The following ZMIZ1 variants were observed in gnomAD, a reference collection of about 807,000 sequenced individuals.
ZMIZ1 encodes zinc finger MIZ domain-containing protein 1.
ZMIZ1 carries 17 observed loss-of-function variants against 113.9 expected under a neutral mutation model. That is an observed-to-expected ratio of 0.15 (90% confidence interval 0.10 to 0.22). The LOEUF (loss-of-function observed/expected upper bound fraction) is 0.22, where lower values mean the gene tolerates loss of function less well. Among genes scored for constraint, ZMIZ1 ranks in the 10% least tolerant of loss-of-function variants. ZMIZ1 has a pLI of 1.00. For missense variants in ZMIZ1, 1,059 were observed against 1,477.8 expected (o/e 0.72, Z 4.65); for synonymous variants, 607 against 603.1 (o/e 1.01, Z -0.09).
chr10:79,311,645 C>T (rs1250216297), intron 24 of ZMIZ1, among the ~76,000 whole-genome samples: 2 of 151,958 alleles, frequency 1.3e-5, no homozygotes, highest in African/African-American at 4.8e-5. Context: ...CTGCTTGCTC[C>T]ATCGCTCACT....
chr10:79,158,955 GT>G (rs1464257193), intron 3 of ZMIZ1, among the ~76,000 whole-genome samples: 3 of 152,250 alleles, frequency 2.0e-5, no homozygotes, highest in African/African-American at 7.2e-5. Flanking sequence ...AGTGAGGGGT[GT>G]TTCAGGCTGC....
chr10:79,276,867 A>G (rs1852323724), intron 7 of ZMIZ1, among the ~76,000 whole-genome samples: 1 of 151,874 alleles, frequency 6.6e-6, no homozygotes. Context: ...ACTTGGCACC[A>G]TCTCTGCCAC....
At chr10:79,265,178 G>A (rs532540134) in intron 7 of ZMIZ1, among the ~76,000 whole-genome samples, 21 of 152,278 alleles carry the variant, frequency 1.4e-4, no homozygotes, top group Admixed American at 4.6e-4. Context: ...GGGGGCGGGC[G>A]TGCGAGGAGT....
At chr10:79,106,305 T>C (rs907307259) in intron 1 of ZMIZ1, among the ~76,000 whole-genome samples, 1 of 152,232 alleles carries the variant, frequency 6.6e-6, no homozygotes, top group South Asian at 2.1e-4. Flanking sequence ...AACAGGGACA[T>C]CAAGTGCTGT....
At chr10:79,186,529 A>G (rs1185649865) in intron 4 of ZMIZ1, among the ~76,000 whole-genome samples, 1 of 152,342 alleles carries the variant, frequency 6.6e-6, no homozygotes, top group South Asian at 2.1e-4. Flanking sequence ...AGATCTTGCT[A>G]TTAGCATGAG....
intron 1 of ZMIZ1, among the ~76,000 whole-genome samples, chr10:79,101,004 C>G (rs533520496): frequency 1.2e-4 from 18 of 152,240 alleles, no homozygotes; most frequent in African/African-American, 3.9e-4. Flanking sequence ...GGTCGGGTCC[C>G]TAGAGAACAG....
At chr10:79,137,605 G>GCAC (rs1238452592) in intron 2 of ZMIZ1, among the ~76,000 whole-genome samples, 1 of 152,208 alleles carries the variant, frequency 6.6e-6, no homozygotes, top group Non-Finnish European at 1.5e-5. Context: ...GGCTGGCTGT[G>GCAC]CACCAAGCTT....
At chr10:79,183,240 G>A (rs1009932390) in intron 4 of ZMIZ1, among the ~76,000 whole-genome samples, 2 of 152,242 alleles carry the variant, frequency 1.3e-5, no homozygotes, top group African/African-American at 4.8e-5. Context: ...TCTGCCTGTC[G>A]CAAGTACCTC....
chr10:79,259,100 A>C (rs1454126516), intron 7 of ZMIZ1, among the ~76,000 whole-genome samples: 1 of 152,084 alleles, frequency 6.6e-6, no homozygotes, highest in Non-Finnish European at 1.5e-5. Flanking sequence ...TATCTAAATG[A>C]CTGGGCCCAA....
chr10:79,126,694 G>C (rs1260890849), intron 2 of ZMIZ1, among the ~76,000 whole-genome samples: 1 of 152,216 alleles, frequency 6.6e-6, no homozygotes, highest in Non-Finnish European at 1.5e-5. Flanking sequence ...AAATGCCCCT[G>C]AGTAGATCAC....
intron 3 of ZMIZ1, among the ~76,000 whole-genome samples, chr10:79,149,183 C>G (rs1845612791): frequency 6.6e-6 from 1 of 152,196 alleles, no homozygotes; most frequent in African/African-American, 2.4e-5. Context: ...GGGGTAATCT[C>G]GAGCAAGGCT....
intron 4 of ZMIZ1, among the ~76,000 whole-genome samples, chr10:79,169,891 A>G (rs1426673686): frequency 6.6e-6 from 1 of 152,236 alleles, no homozygotes; most frequent in Non-Finnish European, 1.5e-5. Context: ...CCCCTCAAAC[A>G]GGAGCATCTG....
At chr10:79,218,584 G>GGGGTGTGTGT (rs1554818328) in intron 7 of ZMIZ1, among the ~76,000 whole-genome samples, 2 of 147,792 alleles carry the variant, frequency 1.4e-5, no homozygotes, top group South Asian at 4.3e-4. Flanking sequence ...TAATTAGAGG[G>GGGGTGTGTGT]GTGTGTGTGT....
chr10:79,269,215 G>A (rs1851788665), intron 7 of ZMIZ1, among the ~76,000 whole-genome samples: 1 of 152,138 alleles, frequency 6.6e-6, no homozygotes, highest in Admixed American at 6.5e-5. Flanking sequence ...ACTTCAGAGG[G>A]TCTTGTGTGG....
At chr10:79,267,976 G>T (rs539769463) in intron 7 of ZMIZ1, among the ~76,000 whole-genome samples, 2 of 152,282 alleles carry the variant, frequency 1.3e-5, no homozygotes, top group African/African-American at 4.8e-5. Flanking sequence ...GGGGTCCCAG[G>T]GATATTCAGG....
At chr10:79,299,941 G>A (rs930519617) in intron 16 of ZMIZ1, among the ~76,000 whole-genome samples, 1 of 150,472 alleles carries the variant, frequency 6.6e-6, no homozygotes, top group South Asian at 2.1e-4. Flanking sequence ...CTGTGCTTGT[G>A]ACTCAGACCC....
chr10:79,262,203 T>C (rs1213808952), intron 7 of ZMIZ1, among the ~76,000 whole-genome samples: 1 of 152,208 alleles, frequency 6.6e-6, no homozygotes, highest in Non-Finnish European at 1.5e-5. Flanking sequence ...TCTCGAGCAG[T>C]GGTTCTCAAA....
chr10:79,207,701 C>T (rs1318322669), intron 5 of ZMIZ1, among the ~76,000 whole-genome samples: 1 of 152,216 alleles, frequency 6.6e-6, no homozygotes, highest in Non-Finnish European at 1.5e-5. Context: ...CACACAGCAG[C>T]CCCTAGTGTG....
Position 79,114,506 on chromosome 10 carries a change from C to CGCGTGT in ZMIZ1, c.-336-4408_-336-4407insCGTGTG, listed in dbSNP as rs1554852495. On this transcript the variant is annotated intron_variant, in intron 1 of 24. Coordinates refer to ENST00000334512, the MANE Select transcript of ZMIZ1 (RefSeq NM_020338.4). ...GTGTGTGTGTGTGCGTGTGTGTGTG[C>CGCGTGT]GTGTGTGTGTGTGTGTGTGTGTGTG... is the stretch of plus-strand genomic sequence containing the variant. 6.4e-5 allele frequency among the ~76,000 whole-genome samples: 6 copies of CGCGTGT among 93,248 alleles called. 1 individual carries two copies. The highest frequency in any genetic ancestry group is 4.9e-4 in the Admixed American group (4 of 8,198). The allele number at this position is 93,248 out of a possible 152,430, so 61.2% of individuals were successfully genotyped here.
Sources: allele counts gnomAD v4.1 joint callset (sites outside exome capture counted in the v4.1 genomes callset), GRCh38; gene constraint gnomAD v4.1.1; transcripts MANE v1.5; gene names NCBI Gene and HGNC (gene_info 2026-07-23, HGNC 2026-07-21).